The following MAGI3 variants were observed in gnomAD, a reference collection of about 807,000 sequenced individuals.
MAGI3 encodes membrane-associated guanylate kinase, WW and PDZ domain-containing protein 3.
In MAGI3, 43 loss-of-function variants were observed where a neutral mutation model predicts 121.8. The observed-to-expected ratio is 0.35, with a 90% confidence interval of 0.28 to 0.46. The LOEUF is 0.46. MAGI3 is among the 20% of genes least tolerant of loss of function. MAGI3 has a pLI of 1.00. For missense variants in MAGI3, 1,547 were observed against 1,797.3 expected (o/e 0.86, Z 2.52); for synonymous variants, 553 against 639.3 (o/e 0.86, Z 2.04).
intron 6 of MAGI3, among the ~76,000 whole-genome samples, chr1:113,607,153 A>C (rs979548513): frequency 8.5e-5 from 13 of 152,128 alleles, no homozygotes; most frequent in African/African-American, 2.9e-4. Flanking sequence ...CAAACTATCT[A>C]CTGGTACCCA....
At chr1:113,570,463 C>T (rs1047758409) in intron 2 of MAGI3, among the ~76,000 whole-genome samples, 20 of 152,188 alleles carry the variant, frequency 1.3e-4, no homozygotes, top group Admixed American at 9.8e-4. Flanking sequence ...TGAGGAATCG[C>T]CACAGTGTCT....
intron 1 of MAGI3, among the ~76,000 whole-genome samples, chr1:113,438,588 G>T (rs113207095): frequency 6.6e-6 from 1 of 152,220 alleles, no homozygotes; most frequent in Non-Finnish European, 1.5e-5. Flanking sequence ...CCTGCTTCTG[G>T]TGAGGACCTC....
chr1:113,623,889 C>G (rs1411257304), intron 9 of MAGI3, among the ~76,000 whole-genome samples: 1 of 142,162 alleles, frequency 7.0e-6, no homozygotes, highest in Non-Finnish European at 1.6e-5. Flanking sequence ...AATCATCCTT[C>G]TACTCTCTAG....
At chr1:113,545,396 T>A (rs982754343) in intron 1 of MAGI3, among the ~76,000 whole-genome samples, 2 of 152,230 alleles carry the variant, frequency 1.3e-5, no homozygotes, top group African/African-American at 4.8e-5. Context: ...ACATGTTGTA[T>A]CTTGACTTTC....
At chr1:113,668,332 A>G (rs1169304728) in intron 16 of MAGI3, among the ~76,000 whole-genome samples, 1 of 152,324 alleles carries the variant, frequency 6.6e-6, no homozygotes, top group South Asian at 2.1e-4. Flanking sequence ...AAGGAGAGAT[A>G]TACTTAACCC....
chr1:113,480,635 G>T (rs1656065824), intron 1 of MAGI3, among the ~76,000 whole-genome samples: 1 of 152,220 alleles, frequency 6.6e-6, no homozygotes, highest in Admixed American at 6.5e-5. Flanking sequence ...GCTGTGCAGG[G>T]TAGGAATGAA....
At chr1:113,572,972 C>T (rs1647394856) in intron 2 of MAGI3, among the ~76,000 whole-genome samples, 1 of 151,828 alleles carries the variant, frequency 6.6e-6, no homozygotes, top group African/African-American at 2.4e-5. Flanking sequence ...GTCACCCAGG[C>T]TGGAGTGCAG....
intron 1 of MAGI3, among the ~76,000 whole-genome samples, chr1:113,474,287 T>G (rs537871178): frequency 2.2e-4 from 34 of 152,356 alleles, no homozygotes; most frequent in African/African-American, 8.2e-4. Context: ...ATTTGTCTAT[T>G]TTGGCTTTTG....
chr1:113,648,301 G>A (rs1290907513), intron 12 of MAGI3, among the ~76,000 whole-genome samples: 1 of 151,898 alleles, frequency 6.6e-6, no homozygotes, highest in Admixed American at 6.6e-5. Flanking sequence ...ATAGTTCCCT[G>A]ACATGTTTAT....
rs1015771630 is a variant in MAGI3, at chr1:113,503,772, T to A, written c.317-45743T>A. On this transcript the variant is annotated intron_variant, in intron 1 of 20. Transcript: ENST00000307546. ...CATATATTGGCTTAGCTTGGTTATT[T>A]GTAACAAGAATATAAAAATATATGT... is the stretch of plus-strand genomic sequence containing the variant. Among the ~76,000 whole-genome samples the A allele has an allele frequency of 3.6e-4, 55 of 151,728 alleles. 1 individual carries two copies. Among genetic ancestry groups the A allele is most frequent in the African/African-American group, 1.3e-3 (54 of 41,512 alleles).
chr1:113,541,220 A>G (rs1659276517), intron 1 of MAGI3, among the ~76,000 whole-genome samples: 1 of 152,198 alleles, frequency 6.6e-6, no homozygotes, highest in African/African-American at 2.4e-5. Context: ...ATGAAATCTG[A>G]CCAATACATT....
chr1:113,495,184 A>G (rs1433090472), intron 1 of MAGI3, among the ~76,000 whole-genome samples: 1 of 152,182 alleles, frequency 6.6e-6, no homozygotes, highest in Non-Finnish European at 1.5e-5. Flanking sequence ...TGCAAAGTAC[A>G]TGGACTGCTA....
At chr1:113,672,800 T>C in intron 18 of MAGI3, 59 bp downstream of exon 18, 1 of 1,535,940 alleles carries the variant, frequency 6.5e-7, no homozygotes, top group Non-Finnish European at 8.8e-7. Context: ...CCACTGGCAT[T>C]GGTGAATTTT....
intron 1 of MAGI3, among the ~76,000 whole-genome samples, chr1:113,472,287 C>G (rs1446441112): frequency 6.6e-6 from 1 of 151,430 alleles, no homozygotes; most frequent in African/African-American, 2.4e-5. Flanking sequence ...ACTGCAAGCT[C>G]CGCCTCCCGG....
At chr1:113,449,372 T>TGTGTGTGTGTGTGTGG (rs1654360843) in intron 1 of MAGI3, among the ~76,000 whole-genome samples, 1 of 151,490 alleles carries the variant, frequency 6.6e-6, no homozygotes, top group Non-Finnish European at 1.5e-5. Flanking sequence ...TGTGTGTGTG[T>TGTGTGTGTGTGTGTGG]GTGTGTGTGT....
At chr1:113,577,543 A>G (rs879669343) in intron 2 of MAGI3, among the ~76,000 whole-genome samples, 47 of 151,506 alleles carry the variant, frequency 3.1e-4, no homozygotes, top group Admixed American at 3.0e-3. Context: ...GATAAATTTT[A>G]TGGAATGCGA....
intron 1 of MAGI3, among the ~76,000 whole-genome samples, chr1:113,418,944 C>G (rs184900689): frequency 1.3e-5 from 2 of 152,160 alleles, no homozygotes; most frequent in Admixed American, 1.3e-4. Flanking sequence ...GTACATTTAT[C>G]AAACACTTAT....
At chr1:113,474,915 T>C (rs774848313) in intron 1 of MAGI3, among the ~76,000 whole-genome samples, 2 of 152,230 alleles carry the variant, frequency 1.3e-5, no homozygotes, top group Non-Finnish European at 2.9e-5. Context: ...TTTATTTCCT[T>C]GAGCAGTGGT....
rs542032891 is a variant in MAGI3 at position 113,485,392 on chromosome 1, C to T, written c.317-64123C>T. Among the ~76,000 whole-genome samples, 431 of 152,300 alleles carry T rather than the reference C, an allele frequency of 2.8e-3. 8 individuals are homozygous for T. The highest frequency in any genetic ancestry group is 0.017 in the Middle Eastern group (5 of 294). On this transcript the variant is annotated intron_variant, in intron 1 of 20. Transcript: ENST00000307546. ...GATGTCACGTTGTGGTTTTGATTTG[C>T]ATTTCCCTGATGCTTAGTGATGTTG...
Sources: allele counts gnomAD v4.1 joint callset (sites outside exome capture counted in the v4.1 genomes callset), GRCh38; gene constraint gnomAD v4.1.1; transcripts MANE v1.5; gene names NCBI Gene and HGNC (gene_info 2026-07-23, HGNC 2026-07-21).